KDM5C: variants seen among roughly 807,000 people sequenced by gnomAD.
The protein encoded by KDM5C is lysine demethylase 5C.
KDM5C carries 16 observed loss-of-function variants against 110.6 expected under a neutral mutation model. The observed-to-expected ratio is 0.14, with a 90% CI of 0.10 to 0.22. The LOEUF (loss-of-function observed/expected upper bound fraction) is 0.22, where lower values mean the gene tolerates loss of function less well. KDM5C is among the 10% of genes least tolerant of loss of function. The pLI is 1.00. For synonymous variants in KDM5C, 511 were observed against 520.4 expected, an observed-to-expected ratio of 0.98 and a Z score of 0.24; for missense variants, 681 against 1,300.9, an observed-to-expected ratio of 0.52 and a Z score of 7.33.
chrX:53,179,695 C>T (rs782368592), intron 25 of KDM5C, among the ~76,000 whole-genome samples: 35 of 111,822 alleles, frequency 3.1e-4, no homozygotes, highest in Non-Finnish European at 5.6e-4. Flanking sequence ...TGCTCCACAT[C>T]ATATGTCATT....
intron 12 of KDM5C, 43 bp downstream of exon 12, chrX:53,210,371 C>T (rs782378303): frequency 2.7e-5 from 33 of 1,203,944 alleles, no homozygotes; most frequent in Non-Finnish European, 3.7e-5. Flanking sequence ...AAGGACATCA[C>T]TAAATCACTC....
At chrX:53,191,831 C>A (rs782272753), downstream of KDM5C, 31 of 174,381 alleles carry the variant, frequency 1.8e-4, no homozygotes, top group African/African-American at 8.5e-4. Flanking sequence ...TAAATTATAT[C>A]TCAATAAAGC....
At chrX:53,214,238 G>A (rs1310982693) in intron 8 of KDM5C, 9 of 121,747 alleles carry the variant, frequency 7.4e-5, no homozygotes, top group Admixed American at 5.0e-4. Context: ...GATTACAGGC[G>A]TGAGCCACCG....
chrX:53,193,271 C>T lies in KDM5C; in HGVS notation c.4379G>A (p.Arg1460Gln), dbSNP rs1556832572. Reference sequence around the variant, plus strand: ...CTCCCCACCCCGATCCACCTTCCGCCGCCGCCGCCTCTCCAGGGCCCGGCC... The same window carrying T: ...CTCCCCACCCCGATCCACCTTCCGCTGCCGCCGCCTCTCCAGGGCCCGGCC... ...ARGRALERRR[R>Q]RKVDRGGEGD... The change falls in exon 26 of 26, where the codon CGG (arginine) becomes CAG (glutamine). Residue 1460 changes from arginine (R) to glutamine (Q), a missense_variant. This residue lies in a region of KDM5C where 115 missense variants were observed against 120.9 expected (regional missense o/e 0.95). Transcript: ENST00000375401. 4 of 1,208,918 alleles carry T rather than the reference C, an allele frequency of 3.3e-6. No homozygotes were observed. The highest frequency in any genetic ancestry group is 4.5e-6 in the Non-Finnish European group (4 of 895,074).
chrX:53,202,983 T>A (rs1202359523), intron 12 of KDM5C, among the ~76,000 whole-genome samples: 2 of 110,379 alleles, frequency 1.8e-5, no homozygotes, highest in Non-Finnish European at 3.8e-5. Context: ...CACGCCCGGC[T>A]AATTTTTTGT....
intron 12 of KDM5C, chrX:53,202,255 A>C: frequency 3.3e-6 from 1 of 298,670 alleles, no homozygotes; most frequent in Non-Finnish European, 6.0e-6. Flanking sequence ...TATCACTTTT[A>C]ATCAAGCTGG....
Position 53,193,049 on chromosome X carries a change from G to T in KDM5C, c.4601C>A (p.Ser1534Ter). Residue 1534 changes from serine (S) to a stop codon, truncating the protein, a stop_gained, in exon 26 of 26, where the codon TCA becomes TAA. Transcript: ENST00000375401. LOFTEE classifies it high-confidence loss of function. ...NGLEPAEGTT[S>*]GPSAPFSTLT... ...AGTGGAGAAAGGGGCCGAGGGGCCT[G>T]AAGTGGTCCCTTCCGCCGGTTCCAA... The T allele has an allele frequency of 8.3e-7, 1 of 1,206,528 alleles. No homozygotes were observed. Among genetic ancestry groups the T allele is most frequent in the Non-Finnish European group, 1.1e-6 (1 of 892,836 alleles).
chrX:53,215,911 C>T lies in KDM5C; in HGVS notation c.847G>A (p.Val283Met). 8.3e-7 allele frequency: 1 copy of T among 1,211,582 alleles called. No individual in the cohort carries two copies. The highest frequency in any genetic ancestry group is 1.1e-6 in the Non-Finnish European group (1 of 895,138). ...VKEELGGDVK[V>M]ESTSPKTFLE... ...AAGGTCTTAGGCGATGTTGACTCCA[C>T]CTTCACATCCCCACCTAACTCCTCC... Residue 283 changes from valine (V) to methionine (M), a missense_variant, in exon 7 of 26, where the codon GTG (valine) becomes ATG (methionine). Val to Met is a conservative substitution (Grantham distance 21). Around this residue, in one of 14 missense-constraint regions of KDM5C, gnomAD observed 71 missense variants for 115.0 expected, o/e 0.62. Coordinates refer to ENST00000375401, the MANE Select transcript of KDM5C (RefSeq NM_004187.5).
At chrX:53,188,089 T>C (rs1051764937), downstream of KDM5C, among the ~76,000 whole-genome samples, 1 of 111,419 alleles carries the variant, frequency 9.0e-6, no homozygotes, top group Admixed American at 9.5e-5. Context: ...AATCTAAAGA[T>C]GGAGAAAAAT....
intron 2 of KDM5C, 96 bp downstream of exon 2, chrX:53,220,743 G>T (rs979236844): frequency 3.5e-5 from 25 of 709,378 alleles, no homozygotes; most frequent in Non-Finnish European, 5.5e-5. Flanking sequence ...GGCCTAGCTA[G>T]GTAAAGTACC....
At position 53,210,314 on chromosome X, in the gene KDM5C, C is replaced by A. The variant is rs911926603; in HGVS notation, c.1746+100G>T. On this transcript the variant is annotated intron_variant, in intron 12 of 25. Transcript: ENST00000375401. Reference sequence around the variant, plus strand: ...AATTAAGAACAGCAATGAAGAAAGGCCAGGGGCAGAATACAGATGACAACC... The same window carrying A: ...AATTAAGAACAGCAATGAAGAAAGGACAGGGGCAGAATACAGATGACAACC... The A allele has an allele frequency of 2.8e-5, 30 of 1,062,382 alleles. No individual in the cohort carries two copies. In the Middle Eastern group the frequency reaches 1.6e-3, roughly 57 times the overall value. The allele number at this position is 1,062,382 out of a possible 1,213,427, so 87.6% of individuals were successfully genotyped here. A position where few individuals can be genotyped will look rare whatever the true frequency, so the allele number is the denominator to read the frequency against.
At chrX:53,186,286 G>A (rs1189924533) in intron 25 of KDM5C, among the ~76,000 whole-genome samples, 1 of 111,707 alleles carries the variant, frequency 9.0e-6, no homozygotes, top group African/African-American at 3.3e-5. Context: ...AGAAATGGGG[G>A]ATAAAATTGG....
Position 53,194,623 on chromosome X carries a change from G to A in KDM5C, c.3554C>T (p.Thr1185Ile), listed in dbSNP as rs1934682366. 1 of 1,212,167 alleles carries A rather than the reference G, an allele frequency of 8.2e-7. No homozygotes were observed. The highest frequency in any genetic ancestry group is 1.1e-6 in the Non-Finnish European group (1 of 895,565). Reference sequence around the variant, plus strand: ...CACCTGCCCACACACACAGATAGAGGTTGTAGAGGAGGCCGTGCTCGATGA... The same window carrying A: ...CACCTGCCCACACACACAGATAGAGATTGTAGAGGAGGCCGTGCTCGATGA... ...LASSSTASST[T>I]SICVCGQVLA... Residue 1185 changes from threonine (T) to isoleucine (I), a missense_variant, in exon 23 of 26, where the codon ACC becomes ATC. Coordinates refer to ENST00000375401, the MANE Select transcript of KDM5C (RefSeq NM_004187.5).
chrX:53,208,567 A>G lies in KDM5C; in HGVS notation c.1746+1847T>C, dbSNP rs782697243. Among the ~76,000 whole-genome samples the G allele has an allele frequency of 3.8e-3, 334 of 87,580 alleles. 3 individuals are homozygous for G. The highest frequency in any genetic ancestry group is 0.014 in the African/African-American group (322 of 22,617). 76.1% of individuals were successfully genotyped at this position (87,580 alleles called of 115,157 possible). ...GTTGCCCAGGCTGGAATGCAATGGC[A>G]CGATCTCGGCTCACTGCAACCTCCG... On this transcript the variant is annotated intron_variant, in intron 12 of 25. Coordinates refer to ENST00000375401, the MANE Select transcript of KDM5C (RefSeq NM_004187.5).
chrX:53,202,179 T>G (rs1399122443), intron 12 of KDM5C: 2 of 420,766 alleles, frequency 4.8e-6, no homozygotes, highest in Non-Finnish European at 8.1e-6. Context: ...TAGGAAGATT[T>G]GAGATTAAAA....
In KDM5C at chrX:53,225,166, A is replaced by ACGCCGCGGCCTTCAGCGC. The variant is rs1556856493; in HGVS notation, c.-295_-278dup. ...CTTCGCCACCACAGTTACCTCCCAAACGCCGCGGCCTTCAGCGCCGCCGCC... is the reference window on the plus strand; with the variant it reads ...CTTCGCCACCACAGTTACCTCCCAAACGCCGCGGCCTTCAGCGCCGCCGCGGCCTTCAGCGCCGCCGCC... On this transcript the variant is annotated 5_prime_UTR_variant, in exon 1 of 26. Coordinates refer to ENST00000375401, the MANE Select transcript of KDM5C (RefSeq NM_004187.5). 1.1e-4 allele frequency: 36 copies of ACGCCGCGGCCTTCAGCGC among 318,031 alleles called. No individual in the cohort carries two copies. The East Asian group carries it at 1.5e-3, about 13-fold the overall frequency. The allele number at this position is 318,031 out of a possible 1,213,427, so 26.2% of individuals were successfully genotyped here.
rs1131691662 is a variant in KDM5C, at chrX:53,193,078, A to T, written c.4572T>A (p.Asn1524Lys). 1 of 1,209,257 alleles carries T rather than the reference A, an allele frequency of 8.3e-7. No individual in the cohort carries two copies. Among genetic ancestry groups the T allele is most frequent in the Non-Finnish European group, 1.1e-6 (1 of 894,401 alleles). Residue 1524 changes from asparagine to lysine, a missense_variant, in exon 26 of 26, where the codon AAT becomes AAA. Asn to Lys is a moderately conservative substitution (Grantham distance 94). Around this residue, in one of 14 missense-constraint regions of KDM5C, gnomAD observed 115 missense variants for 120.9 expected, o/e 0.95. Transcript: ENST00000375401. ...TGGTCCCTTCCGCCGGTTCCAAGCC[A>T]TTCTGGTTCTCCTGGGTGCTGGGGC... ...TGSPSTQENQ[N>K]GLEPAEGTTS...
intron 25 of KDM5C, among the ~76,000 whole-genome samples, chrX:53,186,280 A>T (rs1556828140): frequency 8.9e-6 from 1 of 111,840 alleles, no homozygotes; most frequent in African/African-American, 3.2e-5. Context: ...GATTCAAGAA[A>T]TGGGGGATAA....
chrX:53,217,783 G>A lies in KDM5C; in HGVS notation c.522+13C>T. The A allele has an allele frequency of 8.3e-7, 1 of 1,210,282 alleles. No homozygotes were observed. Among genetic ancestry groups the A allele is most frequent in the East Asian group, 3.0e-5 (1 of 33,837 alleles). ...GGGTAAAGCCGCACCCTGCCCCACT[G>A]TGACATCCTTACCACAAGGTTGGCT... On this transcript the variant is annotated intron_variant, in intron 4 of 25. Coordinates refer to ENST00000375401, the MANE Select transcript of KDM5C (RefSeq NM_004187.5).
Sources: allele counts gnomAD v4.1 joint callset (sites outside exome capture counted in the v4.1 genomes callset), GRCh38; gene constraint gnomAD v4.1.1; regional missense constraint gnomAD v4.1.1; transcripts MANE v1.5; gene names NCBI Gene and HGNC (gene_info 2026-07-23, HGNC 2026-07-21).